WWOX: variants seen among roughly 807,000 people sequenced by gnomAD.
WWOX encodes the protein WW domain containing oxidoreductase, also known as WW domain-containing oxidoreductase.
A neutral mutation model predicts 46.2 loss-of-function variants in WWOX; 69 were observed. The observed-to-expected ratio is 1.49, with a 90% CI of 1.23 to 1.82. The LOEUF (loss-of-function observed/expected upper bound fraction) is 1.82, where lower values mean the gene tolerates loss of function less well. WWOX is among the 40% of genes most tolerant of loss of function. The probability of loss-of-function intolerance (pLI) is 0.00; values close to 1 mark genes in which losing one functional copy is unlikely to be tolerated. For synonymous variants in WWOX, 359 were observed against 202.6 expected, an observed-to-expected ratio of 1.77 and a Z score of -6.56; for missense variants, 919 against 542.6, an observed-to-expected ratio of 1.69 and a Z score of -6.89.
At chr16:78,670,687 TA>T (rs2047439973) in intron 8 of WWOX, among the ~76,000 whole-genome samples, 2 of 151,952 alleles carry the variant, frequency 1.3e-5, no homozygotes, top group African/African-American at 2.4e-5. Context: ...AATTTTTATT[TA>T]AAAAACAGAG....
intron 8 of WWOX, among the ~76,000 whole-genome samples, chr16:78,539,634 C>T (rs1461957279): frequency 2.6e-5 from 4 of 152,236 alleles, no homozygotes; most frequent in Non-Finnish European, 2.9e-5. Context: ...CAGATTGGCA[C>T]ATATGTGTGT....
At position 78,594,429 on chromosome 16, in the gene WWOX, G is replaced by GCCTCCCCCCCCCCCC. The variant is rs1171391505; in HGVS notation, c.1056+161679_1056+161680insTCCCCCCCCCCCCCC. 1.2e-4 allele frequency among the ~76,000 whole-genome samples: 4 copies of GCCTCCCCCCCCCCCC among 32,380 alleles called. 1 individual carries two copies. The highest frequency in any genetic ancestry group is 2.1e-4 in the Non-Finnish European group (4 of 19,080). The allele number at this position is 32,380 out of a possible 152,430, so 21.2% of individuals were successfully genotyped here. A position where few individuals can be genotyped will look rare whatever the true frequency, so the allele number is the denominator to read the frequency against. On this transcript the variant is annotated intron_variant, in intron 8 of 8. Transcript: ENST00000566780. Reference sequence around the variant, plus strand: ...TCTTGACGAAGAAGACTGAGGAAAGGCCCCCCCCCCCCCCCCGCCAAATTG... The same window carrying GCCTCCCCCCCCCCCC: ...TCTTGACGAAGAAGACTGAGGAAAGGCCTCCCCCCCCCCCCCCCCCCCCCCCCCCCCGCCAAATTG...
chr16:79,208,268 C>T (rs914930117), intron 8 of WWOX, among the ~76,000 whole-genome samples: 1 of 152,106 alleles, frequency 6.6e-6, no homozygotes, highest in African/African-American at 2.4e-5. Context: ...ATTCTCAGTC[C>T]TGTGTCGTCA....
At chr16:78,939,021 C>T (rs1249432218) in intron 8 of WWOX, among the ~76,000 whole-genome samples, 1 of 152,156 alleles carries the variant, frequency 6.6e-6, no homozygotes, top group Non-Finnish European at 1.5e-5. Context: ...GGTTTTGTGG[C>T]CTTTCAGCCC....
At chr16:78,331,966 C>A (rs535834501) in intron 5 of WWOX, among the ~76,000 whole-genome samples, 1 of 152,090 alleles carries the variant, frequency 6.6e-6, no homozygotes, top group Non-Finnish European at 1.5e-5. Flanking sequence ...CTAGCTGACT[C>A]CAAAGCTGTG....
At chr16:78,947,263 C>T (rs949700439) in intron 8 of WWOX, among the ~76,000 whole-genome samples, 1 of 152,042 alleles carries the variant, frequency 6.6e-6, no homozygotes, top group African/African-American at 2.4e-5. Context: ...TTTCTCAAGC[C>T]ACTTAGATTT....
At chr16:78,869,629 G>T (rs560391852) in intron 8 of WWOX, among the ~76,000 whole-genome samples, 1 of 152,316 alleles carries the variant, frequency 6.6e-6, no homozygotes, top group Admixed American at 6.5e-5. Flanking sequence ...GTGTCATGAT[G>T]GGTTACTGAT....
intron 8 of WWOX, among the ~76,000 whole-genome samples, chr16:78,481,724 AGTG>A (rs1293911257): frequency 1.5e-5 from 2 of 137,048 alleles, no homozygotes; most frequent in African/African-American, 5.4e-5. Context: ...GGGCAAGGGA[AGTG>A]TGTGTGTGTG....
At chr16:78,843,026 T>C (rs2052202582) in intron 8 of WWOX, among the ~76,000 whole-genome samples, 1 of 150,052 alleles carries the variant, frequency 6.7e-6, no homozygotes, top group Non-Finnish European at 1.5e-5. Flanking sequence ...GCTGGCTATT[T>C]TACTTTAAGT....
chr16:79,044,994 G>A (rs2048038882), intron 8 of WWOX, among the ~76,000 whole-genome samples: 1 of 152,178 alleles, frequency 6.6e-6, no homozygotes, highest in Non-Finnish European at 1.5e-5. Context: ...GCTCAATAAA[G>A]GGTAGATGTT....
intron 8 of WWOX, among the ~76,000 whole-genome samples, chr16:78,768,317 C>A (rs1438853088): frequency 7.5e-6 from 1 of 132,982 alleles, no homozygotes; most frequent in African/African-American, 2.7e-5. Flanking sequence ...TGGCTTGGTG[C>A]AGTGGCTCAT....
intron 8 of WWOX, among the ~76,000 whole-genome samples, chr16:78,469,832 T>A (rs960763783): frequency 7.9e-5 from 12 of 152,190 alleles, no homozygotes; most frequent in Non-Finnish European, 1.6e-4. Context: ...CACCTAGAGG[T>A]GATCCTTTGG....
intron 8 of WWOX, among the ~76,000 whole-genome samples, chr16:79,067,362 GCTCT>G (rs2048460592): frequency 6.6e-6 from 1 of 151,964 alleles, no homozygotes; most frequent in Non-Finnish European, 1.5e-5. Context: ...GTCTGCTCTC[GCTCT>G]CTCTCTTTCT....
chr16:78,911,142 A>T (rs1329930862), intron 8 of WWOX, among the ~76,000 whole-genome samples: 2 of 151,846 alleles, frequency 1.3e-5, no homozygotes, highest in Admixed American at 1.3e-4. Context: ...TTGTCTTCCT[A>T]GGCCCTTGTC....
intron 8 of WWOX, among the ~76,000 whole-genome samples, chr16:79,007,873 C>G (rs928600281): frequency 2.6e-5 from 4 of 152,192 alleles, no homozygotes; most frequent in African/African-American, 9.7e-5. Flanking sequence ...AAGCCCTTTA[C>G]AAAGCACTGT....
At chr16:78,756,528 A>T (rs1278795368) in intron 8 of WWOX, among the ~76,000 whole-genome samples, 1 of 152,176 alleles carries the variant, frequency 6.6e-6, no homozygotes, top group African/African-American at 2.4e-5. Flanking sequence ...GAAAAACACG[A>T]GAAAAGTTGG....
At chr16:79,116,724 C>T (rs1395562037) in intron 8 of WWOX, among the ~76,000 whole-genome samples, 1 of 152,064 alleles carries the variant, frequency 6.6e-6, no homozygotes, top group African/African-American at 2.4e-5. Flanking sequence ...GAATAAACTT[C>T]TTCCAAACTC....
intron 8 of WWOX, among the ~76,000 whole-genome samples, chr16:79,010,807 C>T (rs1395812544): frequency 8.8e-6 from 1 of 113,492 alleles, no homozygotes; most frequent in Non-Finnish European, 1.7e-5. Context: ...GGGCAGAGCA[C>T]ACTGGGGCGG....
At chr16:79,039,490 C>T (rs550405010) in intron 8 of WWOX, among the ~76,000 whole-genome samples, 2 of 152,288 alleles carry the variant, frequency 1.3e-5, no homozygotes, top group South Asian at 4.1e-4. Flanking sequence ...ATTTGCCCAT[C>T]GTAAAGGCTG....
Sources: allele counts gnomAD v4.1 joint callset (sites outside exome capture counted in the v4.1 genomes callset), GRCh38; gene constraint gnomAD v4.1.1; transcripts MANE v1.5; gene names NCBI Gene and HGNC (gene_info 2026-07-23, HGNC 2026-07-21).